The following TRARG1 variants were observed in gnomAD, a reference collection of about 807,000 sequenced individuals.
TRARG1 encodes the protein trafficking regulator of GLUT4 (SLC2A4) 1 (gene/pseudogene).
In TRARG1, 16 loss-of-function variants were observed where a neutral mutation model predicts 13.3. The observed-to-expected ratio is 1.20, with a 90% CI of 0.81 to 1.83. The LOEUF (loss-of-function observed/expected upper bound fraction) is 1.83, where lower values mean the gene tolerates loss of function less well. TRARG1 is among the 40% of genes most tolerant of loss of function. The probability of loss-of-function intolerance (pLI) is 0.00; values close to 1 mark genes in which losing one functional copy is unlikely to be tolerated. For synonymous variants in TRARG1, 113 were observed against 106.2 expected, an observed-to-expected ratio of 1.06 and a Z score of -0.39; for missense variants, 250 against 237.4, an observed-to-expected ratio of 1.05 and a Z score of -0.35.
chr17:1,280,199 C>G lies in TRARG1; in HGVS notation c.198C>G (p.Ser66=). The change falls in exon 1 of 3, where the codon TCC becomes TCG. Residue 66 remains serine (S), a synonymous_variant. Coordinates refer to ENST00000333813, the MANE Select transcript of TRARG1 (RefSeq NM_172367.3). ...NSQGLPFKAI[S]EGHLEAPLPR... ...AGGGCCTACCCTTCAAGGCCATCTC[C>G]GAGGGGCACCTGGAGGCCCCACTGC... The G allele has an allele frequency of 6.2e-7, 1 of 1,614,018 alleles. No individual in the cohort carries two copies. Among genetic ancestry groups the G allele is most frequent in the South Asian group, 1.1e-5 (1 of 91,050 alleles).
intron 1 of TRARG1, among the ~76,000 whole-genome samples, chr17:1,294,587 C>G (rs144376727): frequency 2.0e-5 from 3 of 151,554 alleles, no homozygotes; most frequent in African/African-American, 7.3e-5. Flanking sequence ...CTGCATCAGC[C>G]TCCTGAGTAG....
intron 1 of TRARG1, among the ~76,000 whole-genome samples, chr17:1,282,314 A>ATATATGTACATATATGTACG (rs1555630885): frequency 1.7e-5 from 2 of 115,716 alleles, no homozygotes; most frequent in Non-Finnish European, 4.1e-5. Flanking sequence ...ACATATGCGT[A>ATATATGTACATATATGTACG]TATATGTACA....
chr17:1,293,702 GTTTGATGATGTCACAGGTTGAA>G (rs1300354161), intron 1 of TRARG1, among the ~76,000 whole-genome samples: 81 of 148,914 alleles, frequency 5.4e-4, no homozygotes, highest in African/African-American at 2.0e-3. Flanking sequence ...TGTGGGTTGA[GTTTGATGATGTCACAGGTTGAA>G]TTTGATGATG....
chr17:1,298,246 T>C lies in TRARG1; in HGVS notation c.521-5T>C. 1 of 1,613,846 alleles carries C rather than the reference T, an allele frequency of 6.2e-7. No homozygotes were observed. The highest frequency in any genetic ancestry group is 8.5e-7 in the Non-Finnish European group (1 of 1,179,852). The stretch of plus-strand genomic sequence containing the variant: ...TTCTGCCATATCTGTTTTTTTTCTT[T>C]ACAGTTCAGAAGAAATAAACTTAAG... On this transcript the variant is annotated splice_region_variant and splice_polypyrimidine_tract_variant and intron_variant, in intron 2 of 2. Coordinates refer to ENST00000333813, the MANE Select transcript of TRARG1 (RefSeq NM_172367.3).
intron 1 of TRARG1, among the ~76,000 whole-genome samples, chr17:1,284,880 C>G (rs1598189454): frequency 6.6e-6 from 1 of 151,904 alleles, no homozygotes; most frequent in South Asian, 2.1e-4. Flanking sequence ...CGGGGTTTCA[C>G]TGTGTTAGCC....
At chr17:1,292,474 G>T (rs1312120123) in intron 1 of TRARG1, among the ~76,000 whole-genome samples, 1 of 152,168 alleles carries the variant, frequency 6.6e-6, no homozygotes, top group Non-Finnish European at 1.5e-5. Context: ...CTCGAGCCCT[G>T]CCTGGCCTAG....
At chr17:1,282,218 ACACGTGCGTATATG>A (rs2071983570) in intron 1 of TRARG1, among the ~76,000 whole-genome samples, 1 of 108,116 alleles carries the variant, frequency 9.2e-6, no homozygotes, top group African/African-American at 3.6e-5. Flanking sequence ...ATGTACGTAT[ACACGTGCGTATATG>A]TACGTATATG....
chr17:1,279,763 G>A lies in TRARG1; in HGVS notation c.-239G>A. 1 of 482,962 alleles carries A rather than the reference G, an allele frequency of 2.1e-6. No individual in the cohort carries two copies. Among genetic ancestry groups the A allele is most frequent in the East Asian group, 3.2e-5 (1 of 30,938 alleles). 29.9% of individuals were successfully genotyped at this position (482,962 alleles called of 1,614,324 possible). A position where few individuals can be genotyped will look rare whatever the true frequency, so the allele number is the denominator to read the frequency against. On this transcript the variant is annotated 5_prime_UTR_variant, in exon 1 of 3. Transcript: ENST00000333813. Reference sequence around the variant, plus strand: ...GCCTCAAACTTGAACAAAGCTGCAGGCTCCAGCGTCTTTCTGGGAGCTCCG... The same window carrying A: ...GCCTCAAACTTGAACAAAGCTGCAGACTCCAGCGTCTTTCTGGGAGCTCCG...
chr17:1,290,043 A>G (rs2150809905), intron 1 of TRARG1, among the ~76,000 whole-genome samples: 1 of 152,218 alleles, frequency 6.6e-6, no homozygotes, highest in Non-Finnish European at 1.5e-5. Flanking sequence ...TTCCTCCCCC[A>G]TACTCCATCT....
chr17:1,296,205 T>C (rs1424787450), intron 2 of TRARG1, among the ~76,000 whole-genome samples: 1 of 152,228 alleles, frequency 6.6e-6, no homozygotes, highest in African/African-American at 2.4e-5. Context: ...ATTAATTAAC[T>C]TTATTTTTGA....
chr17:1,285,635 C>T (rs760935245), intron 1 of TRARG1, among the ~76,000 whole-genome samples: 2 of 151,320 alleles, frequency 1.3e-5, no homozygotes, highest in African/African-American at 2.4e-5. Flanking sequence ...AACCAGGACT[C>T]GGGAGGCAGA....
In TRARG1 at chr17:1,280,331, C is replaced by T. The variant is rs763880166; in HGVS notation, c.330C>T (p.Val110=). ...APRDYLILAV[V]ACFCPVWPLN... is the part of the protein sequence containing the mutation. ...GAGATTACCTCATCCTGGCCGTCGT[C>T]GCCTGCTTCTGCCCCGTCTGGCCCC... Residue 110 remains valine, a synonymous_variant, in exon 1 of 3, where the codon GTC becomes GTT. Coordinates refer to ENST00000333813, the MANE Select transcript of TRARG1 (RefSeq NM_172367.3). The T allele has an allele frequency of 4.3e-6, 7 of 1,613,414 alleles. No homozygotes were observed. Among genetic ancestry groups the T allele is most frequent in the Admixed American group, 1.7e-5 (1 of 59,928 alleles).
chr17:1,293,103 T>C lies in TRARG1; in HGVS notation c.388-2388T>C, dbSNP rs146821884. Among the ~76,000 whole-genome samples the C allele has an allele frequency of 2.9e-3, 447 of 151,910 alleles. 3 individuals carry two copies. The highest frequency in any genetic ancestry group is 0.01 in the African/African-American group (432 of 41,434). ...GAGATCGAGACCAGCCTGGCCAACA[T>C]GGTGAAACTGTCTCTACTAAAAATA... On this transcript the variant is annotated intron_variant, in intron 1 of 2. Transcript: ENST00000333813.
intron 1 of TRARG1, among the ~76,000 whole-genome samples, chr17:1,282,000 A>C (rs145785029): frequency 8.0e-5 from 12 of 150,546 alleles, no homozygotes; most frequent in Non-Finnish European, 1.3e-4. Flanking sequence ...ATATATACAG[A>C]TATACACATA....
At chr17:1,281,972 ACG>A (rs1491256186) in intron 1 of TRARG1, among the ~76,000 whole-genome samples, 12 of 148,050 alleles carry the variant, frequency 8.1e-5, no homozygotes, top group Middle Eastern at 3.6e-3. Context: ...ATATATGCAC[ACG>A]TGTACATATA....
rs777449339 is a variant in TRARG1, at chr17:1,280,268, C to T, written c.267C>T (p.Ile89=). 21 of 1,614,088 alleles carry T rather than the reference C, an allele frequency of 1.3e-5. 1 individual carries two copies. Among genetic ancestry groups the T allele is most frequent in the South Asian group, 1.2e-4 (11 of 91,058 alleles). The part of the protein sequence containing the change: ...SRASSRRASS[I]ATTSYAQDQE... ...CCAGCTCAAGGAGGGCGTCCTCCAT[C>T]GCCACCACCTCCTATGCCCAAGACC... The change falls in exon 1 of 3, where the codon ATC becomes ATT. Residue 89 remains isoleucine (I), a synonymous_variant. Transcript: ENST00000333813.
Position 1,294,980 on chromosome 17 carries a change from G to A in TRARG1, c.388-511G>A, listed in dbSNP as rs559041181. ...ATTACAGGCATGAGCCGCTGCGCCC[G>A]GCTGACAATGTCTCTTTTTATGGAG... On this transcript the variant is annotated intron_variant, in intron 1 of 2. Transcript: ENST00000333813. Among the ~76,000 whole-genome samples, 29 of 152,292 alleles carry A rather than the reference G, an allele frequency of 1.9e-4. No individual in the cohort carries two copies. In the South Asian group the frequency reaches 2.9e-3, roughly 15 times the overall value.
At chr17:1,296,512 C>T (rs935346445) in intron 2 of TRARG1, among the ~76,000 whole-genome samples, 4 of 76,566 alleles carry the variant, frequency 5.2e-5, no homozygotes, top group Non-Finnish European at 1.1e-4. Flanking sequence ...ACCATTTTCT[C>T]TTTCTTTTTT....
At position 1,279,866 on chromosome 17, in the gene TRARG1, GGCCCTCCGTC is replaced by G; in HGVS notation, c.-135_-126del. 3 of 1,015,838 alleles carry G rather than the reference GGCCCTCCGTC, an allele frequency of 3.0e-6. No individual in the cohort carries two copies. The highest frequency in any genetic ancestry group is 4.2e-6 in the Non-Finnish European group (3 of 719,550). The allele number at this position is 1,015,838 out of a possible 1,614,324, so 62.9% of individuals were successfully genotyped here. On this transcript the variant is annotated 5_prime_UTR_variant, in exon 1 of 3. Coordinates refer to ENST00000333813, the MANE Select transcript of TRARG1 (RefSeq NM_172367.3). Reference sequence around the variant, plus strand: ...AGCCCAACCCTTCCAGCACCCAGCCGGCCCTCCGTCTCCTGAGGGACGCCCCTGCCCCCGA... The same window carrying G: ...AGCCCAACCCTTCCAGCACCCAGCCGTCCTGAGGGACGCCCCTGCCCCCGA...
Sources: gnomAD v4.1 joint callset for allele counts (sites outside exome capture counted in the v4.1 genomes callset) on GRCh38, gnomAD v4.1.1 for gene constraint, MANE v1.5 for transcripts, NCBI Gene and HGNC (gene_info 2026-07-23, HGNC 2026-07-21) for gene names.